The following KCNJ6 variants were observed in gnomAD, a reference collection of about 807,000 sequenced individuals.
The protein encoded by KCNJ6 is G protein-activated inward rectifier potassium channel 2.
Under a neutral mutation model 34.2 loss-of-function variants are expected in KCNJ6, and 9 were observed. The ratio of observed to expected loss-of-function variants is 0.26; its 90% CI spans 0.16 to 0.46. The LOEUF (loss-of-function observed/expected upper bound fraction) is 0.46, where lower values mean the gene tolerates loss of function less well. Among genes scored for constraint, KCNJ6 ranks in the 20% least tolerant of loss-of-function variants. The probability of loss-of-function intolerance (pLI) is 1.00; values close to 1 mark genes in which losing one functional copy is unlikely to be tolerated. For synonymous variants in KCNJ6, 196 were observed against 207.1 expected, an observed-to-expected ratio of 0.95 and a Z score of 0.46; for missense variants, 236 against 531.3, an observed-to-expected ratio of 0.44 and a Z score of 5.46.
chr21:37,756,414 G>A lies in KCNJ6; in HGVS notation c.26-41283C>T, dbSNP rs545630519. Among the ~76,000 whole-genome samples the A allele has an allele frequency of 4.6e-5, 7 of 152,286 alleles. No individual in the cohort carries two copies. In the South Asian group the frequency reaches 1.5e-3, roughly 32 times the overall value. On this transcript the variant is annotated intron_variant, in intron 2 of 3. Transcript: ENST00000609713. Reference sequence around the variant, plus strand: ...GGGAGCAGGGCTGGCGTGGGGGCCTGGGAGAAGGCAGGGGACGTGCGTGGA... The same window carrying A: ...GGGAGCAGGGCTGGCGTGGGGGCCTAGGAGAAGGCAGGGGACGTGCGTGGA...
intron 2 of KCNJ6, among the ~76,000 whole-genome samples, chr21:37,760,403 C>A (rs187935111): frequency 1.3e-5 from 2 of 152,312 alleles, no homozygotes; most frequent in Admixed American, 1.3e-4. Flanking sequence ...AGAGTCCACA[C>A]CCCTGAGCCC....
intron 2 of KCNJ6, among the ~76,000 whole-genome samples, chr21:37,753,693 T>C (rs1394766876): frequency 6.6e-6 from 1 of 152,218 alleles, no homozygotes; most frequent in Non-Finnish European, 1.5e-5. Flanking sequence ...CTTTTCATAT[T>C]TGTTAGTGCC....
intron 1 of KCNJ6, among the ~76,000 whole-genome samples, chr21:37,900,047 G>T (rs190053859): frequency 1.2e-4 from 18 of 152,324 alleles, no homozygotes; most frequent in African/African-American, 3.4e-4. Flanking sequence ...ATGGATGAGG[G>T]ATTACAGATT....
chr21:37,761,622 ATG>A (rs1402861641), intron 2 of KCNJ6, among the ~76,000 whole-genome samples: 1 of 118,024 alleles, frequency 8.5e-6, no homozygotes, highest in Admixed American at 1.0e-4. Context: ...GTATTTGTGT[ATG>A]TGTTGTGTGT....
intron 2 of KCNJ6, among the ~76,000 whole-genome samples, chr21:37,796,231 T>C (rs1283379340): frequency 6.6e-6 from 1 of 152,186 alleles, no homozygotes; most frequent in Non-Finnish European, 1.5e-5. Flanking sequence ...AAGCCTGAAG[T>C]CACTGTTCTC....
intron 2 of KCNJ6, among the ~76,000 whole-genome samples, chr21:37,789,810 CAGAT>C (rs2055208729): frequency 6.6e-6 from 1 of 152,186 alleles, no homozygotes; most frequent in Non-Finnish European, 1.5e-5. Context: ...CTAAGTCATG[CAGAT>C]AGATATAATT....
At chr21:37,772,905 C>G (rs2055124070) in intron 2 of KCNJ6, among the ~76,000 whole-genome samples, 1 of 152,166 alleles carries the variant, frequency 6.6e-6, no homozygotes, top group South Asian at 2.1e-4. Context: ...ATTAACTCAA[C>G]AAGGATACTG....
intron 2 of KCNJ6, among the ~76,000 whole-genome samples, chr21:37,808,500 ATGCCTGGCCT>A (rs1473205028): frequency 1.3e-5 from 2 of 152,250 alleles, no homozygotes; most frequent in African/African-American, 4.8e-5. Flanking sequence ...TGATGAGGTT[ATGCCTGGCCT>A]TGAGTGCACT....
chr21:37,720,901 G>T (rs925204676), intron 2 of KCNJ6, among the ~76,000 whole-genome samples: 3 of 151,204 alleles, frequency 2.0e-5, no homozygotes, highest in Non-Finnish European at 2.9e-5. Flanking sequence ...TAGAGACGGG[G>T]TTTCACCTTG....
chr21:37,711,875 G>A (rs965924606), intron 3 of KCNJ6, among the ~76,000 whole-genome samples: 1 of 151,974 alleles, frequency 6.6e-6, no homozygotes, highest in African/African-American at 2.4e-5. Context: ...CCAGGGATGG[G>A]GTGAGCGTTT....
In KCNJ6 at chr21:37,893,669, A is replaced by G. The variant is rs2055774044; in HGVS notation, c.-28+22215T>C. ...TTTTCCTCTGCCTTTCCTTATTTGG[A>G]GTTGATGCTTTTTGACATTTCTGTC... On this transcript the variant is annotated intron_variant, in intron 1 of 3. Transcript: ENST00000609713. Among the ~76,000 whole-genome samples, 4 of 136,652 alleles carry G rather than the reference A, an allele frequency of 2.9e-5. No homozygotes were observed. In the South Asian group the frequency reaches 6.9e-4, roughly 23 times the overall value. 89.6% of individuals were successfully genotyped at this position (136,652 alleles called of 152,430 possible).
Position 37,714,955 on chromosome 21 carries a change from C to T in KCNJ6, c.202G>A (p.Gly68Ser), listed in dbSNP as rs971698781. ...TAGCGATAGGTCTCCCTCACGTTGC[C>T]GTGATGAACATTGCACTTTCCGTCT... ...RKDGKCNVHH[G>S]NVRETYRYLT... Residue 68 changes from glycine to serine, a missense_variant, in exon 3 of 4, where the codon GGC (glycine) becomes AGC (serine). Coordinates refer to ENST00000609713, the MANE Select transcript of KCNJ6 (RefSeq NM_002240.5). This position sits in a 1 kb window ranked among gnomAD's most constrained non-coding sequence, Gnocchi z 5.9. 7 of 1,614,064 alleles carry T rather than the reference C, an allele frequency of 4.3e-6. No individual in the cohort carries two copies. Among genetic ancestry groups the T allele is most frequent in the African/African-American group, 1.3e-5 (1 of 74,932 alleles).
At position 37,675,879 on chromosome 21, in the gene KCNJ6, G is replaced by A. The variant is rs1238767939; in HGVS notation, c.946+38332C>T. 6.6e-6 allele frequency among the ~76,000 whole-genome samples: 1 copy of A among 152,160 alleles called. No homozygotes were observed. The highest frequency in any genetic ancestry group is 2.4e-5 in the African/African-American group (1 of 41,426). ...CATGTCAATAGCGGGGGTGGGGGTG[G>A]GGGTGGGGGTGGGGTGCGCCGACCC... On this transcript the variant is annotated intron_variant, in intron 3 of 3. Coordinates refer to ENST00000609713, the MANE Select transcript of KCNJ6 (RefSeq NM_002240.5). The surrounding 1 kb of genome is among the most constrained non-coding windows in gnomAD (Gnocchi z 4.2).
At chr21:37,838,471 G>T (rs2055463040) in intron 2 of KCNJ6, among the ~76,000 whole-genome samples, 1 of 152,218 alleles carries the variant, frequency 6.6e-6, no homozygotes, top group Non-Finnish European at 1.5e-5. Context: ...ACCATCTGAT[G>T]TAATTCACCC....
intron 3 of KCNJ6, among the ~76,000 whole-genome samples, chr21:37,694,376 G>T (rs2054654623): frequency 6.6e-6 from 1 of 152,210 alleles, no homozygotes; most frequent in Admixed American, 6.5e-5. Flanking sequence ...AAGGGGCATG[G>T]CCAGCTTTGG....
chr21:37,806,984 T>C (rs1207611125), intron 2 of KCNJ6, among the ~76,000 whole-genome samples: 3 of 152,230 alleles, frequency 2.0e-5, no homozygotes, highest in East Asian at 1.9e-4. Context: ...TAACTTTCAA[T>C]AGGATATGCA....
At chr21:37,883,493 T>C (rs2055720219) in intron 1 of KCNJ6, among the ~76,000 whole-genome samples, 1 of 152,180 alleles carries the variant, frequency 6.6e-6, no homozygotes, top group African/African-American at 2.4e-5. Flanking sequence ...GGGGAGCTTG[T>C]CATCTGATGG....
chr21:37,873,469 G>A (rs1323706084), intron 1 of KCNJ6, among the ~76,000 whole-genome samples: 1 of 152,182 alleles, frequency 6.6e-6, no homozygotes, highest in Non-Finnish European at 1.5e-5. Context: ...AGTGCAGTCA[G>A]TGTACCTAAC....
chr21:37,815,914 G>A (rs2055344661), intron 2 of KCNJ6, among the ~76,000 whole-genome samples: 1 of 152,178 alleles, frequency 6.6e-6, no homozygotes, highest in African/African-American at 2.4e-5. Flanking sequence ...GCAGTGACGC[G>A]ACTGCAACAA....
Sources: allele counts gnomAD v4.1 joint callset (sites outside exome capture counted in the v4.1 genomes callset), GRCh38; gene constraint gnomAD v4.1.1; non-coding constraint Gnocchi (gnomAD v3.1); transcripts MANE v1.5; gene names NCBI Gene and HGNC (gene_info 2026-07-23, HGNC 2026-07-21).